The following CAMK4 variants were observed in gnomAD, a reference collection of about 807,000 sequenced individuals.
CAMK4 encodes calcium/calmodulin-dependent protein kinase type IV.
A neutral mutation model predicts 44.9 loss-of-function variants in CAMK4; 22 were observed. The observed-to-expected ratio is 0.49, with a 90% CI of 0.35 to 0.70. The LOEUF (loss-of-function observed/expected upper bound fraction) is 0.70. Ranked by LOEUF, CAMK4 falls within the 30% of genes least tolerant of loss-of-function variation. The pLI is 0.01. For missense variants in CAMK4, 498 were observed against 586.8 expected (o/e 0.85, Z 1.56); for synonymous variants, 218 against 215.4 (o/e 1.01, Z -0.11).
intron 1 of CAMK4, among the ~76,000 whole-genome samples, chr5:111,270,462 T>C (rs543117778): frequency 6.6e-6 from 1 of 152,314 alleles, no homozygotes; most frequent in Admixed American, 6.5e-5. Flanking sequence ...TTTCACCTAA[T>C]TACACAATAG....
At chr5:111,453,282 C>G (rs116165510) in intron 7 of CAMK4, among the ~76,000 whole-genome samples, 1,710 of 152,218 alleles carry the variant, frequency 0.011, 26 homozygotes, top group African/African-American at 0.04. Flanking sequence ...AGTAGATAAC[C>G]TAGAGCAGAG....
chr5:111,490,498 T>G lies in CAMK4; in HGVS notation c.*6032T>G, dbSNP rs935191058. 1 of 152,170 alleles carries G rather than the reference T, an allele frequency of 6.6e-6. No individual in the cohort carries two copies. The highest frequency in any genetic ancestry group is 1.5e-5 in the Non-Finnish European group (1 of 68,106). The allele number at this position is 152,170 out of a possible 1,614,324, so 9.4% of individuals were successfully genotyped here. A position where few individuals can be genotyped will look rare whatever the true frequency, so the allele number is the denominator to read the frequency against. On this transcript the variant is annotated 3_prime_UTR_variant, in exon 11 of 11. Transcript: ENST00000282356. ...CTGTAATCTCAGCTACTCAGGAGGC[T>G]GAGGCAGGAGAATCTCTTGAACCCG...
In CAMK4 at chr5:111,273,677, TTATATATATATA is replaced by T. The variant is rs1160351356; in HGVS notation, c.161+49064_161+49075del. 3.9e-4 allele frequency among the ~76,000 whole-genome samples: 16 copies of T among 41,126 alleles called. 1 individual carries two copies. Among genetic ancestry groups the T allele is most frequent in the Non-Finnish European group, 7.5e-4 (14 of 18,574 alleles). The allele number at this position is 41,126 out of a possible 152,430, so 27.0% of individuals were successfully genotyped here. A position where few individuals can be genotyped will look rare whatever the true frequency, so the allele number is the denominator to read the frequency against. On this transcript the variant is annotated intron_variant, in intron 1 of 10. Transcript: ENST00000282356. The stretch of plus-strand genomic sequence containing the variant: ...TATCCGTCAGCTTTAAAAAATGCAT[TTATATATATATA>T]TATATATATATATATATATATATAT...
rs574267316 is a variant in CAMK4, at chr5:111,253,415, TG to T, written c.161+28774del. Among the ~76,000 whole-genome samples the T allele has an allele frequency of 2.0e-3, 307 of 152,272 alleles. 1 individual carries two copies. The highest frequency in any genetic ancestry group is 7.2e-3 in the African/African-American group (299 of 41,560). The stretch of plus-strand genomic sequence containing the variant: ...AGACATTTCCAGTTCCGGACAGGGT[TG>T]GGCTGTTCTGCTGCAACAGATGGTC... On this transcript the variant is annotated intron_variant, in intron 1 of 10. Transcript: ENST00000282356.
At chr5:111,322,840 A>G (rs1437348666) in intron 1 of CAMK4, among the ~76,000 whole-genome samples, 2 of 152,178 alleles carry the variant, frequency 1.3e-5, no homozygotes, top group African/African-American at 2.4e-5. Flanking sequence ...TGGGAATTTT[A>G]GAATTGAAAA....
chr5:111,425,110 C>T (rs966520767), intron 5 of CAMK4, among the ~76,000 whole-genome samples: 1 of 148,456 alleles, frequency 6.7e-6, no homozygotes, highest in African/African-American at 2.5e-5. Context: ...TTTCGGTGAG[C>T]TGAGATCACT....
chr5:111,455,205 C>T (rs1012511546), intron 7 of CAMK4, among the ~76,000 whole-genome samples: 13 of 152,076 alleles, frequency 8.5e-5, no homozygotes, highest in African/African-American at 1.7e-4. Context: ...TGAGTTCCTA[C>T]GATATGCAGA....
intron 4 of CAMK4, among the ~76,000 whole-genome samples, chr5:111,378,662 G>A (rs951132866): frequency 1.3e-5 from 2 of 152,196 alleles, no homozygotes; most frequent in East Asian, 3.9e-4. Flanking sequence ...CACATTTTAA[G>A]AATAATAAGT....
At chr5:111,419,826 A>T (rs372505293) in intron 5 of CAMK4, among the ~76,000 whole-genome samples, 19 of 152,304 alleles carry the variant, frequency 1.2e-4, no homozygotes, top group African/African-American at 4.3e-4. Context: ...TACCAGTACC[A>T]TGCTGTTTTG....
intron 1 of CAMK4, among the ~76,000 whole-genome samples, chr5:111,229,546 A>AT (rs1263143702): frequency 1.3e-5 from 2 of 152,154 alleles, no homozygotes; most frequent in Non-Finnish European, 2.9e-5. Context: ...GAAGAAACAG[A>AT]TTCTCCTTTT....
intron 2 of CAMK4, among the ~76,000 whole-genome samples, chr5:111,348,174 T>C (rs558600131): frequency 6.6e-6 from 1 of 152,180 alleles, no homozygotes; most frequent in Admixed American, 6.6e-5. Context: ...TCTTCTCTCA[T>C]AGCTTAATAA....
In CAMK4 at chr5:111,482,738, G is replaced by T; in HGVS notation, c.829-47G>T. 4.7e-6 allele frequency: 7 copies of T among 1,493,082 alleles called. No homozygotes were observed. Among genetic ancestry groups the T allele is most frequent in the South Asian group, 1.2e-5 (1 of 80,890 alleles). The allele number at this position is 1,493,082 out of a possible 1,614,324, so 92.5% of individuals were successfully genotyped here. On this transcript the variant is annotated intron_variant, in intron 9 of 10. Transcript: ENST00000282356. The surrounding 1 kb of genome is among the most constrained non-coding windows in gnomAD (Gnocchi z 4.9). ...AGTTTGTAAGCTGAGGGCAAGCCCA[G>T]GTCATCCTAAAAACCTCGCTAAGTT...
rs1457586725 is a variant in CAMK4, at chr5:111,344,016, C to G, written c.162-8C>G. 9 of 1,559,602 alleles carry G rather than the reference C, an allele frequency of 5.8e-6. No individual in the cohort carries two copies. The Admixed American group carries it at 1.6e-4, about 27-fold the overall frequency. ...TAACATTTTCTTTTTGTCTTTTTCC[C>G]CCTCAAGGGGTGCTACATCCATTGT... On this transcript the variant is annotated splice_region_variant and splice_polypyrimidine_tract_variant and intron_variant, in intron 1 of 10. Transcript: ENST00000282356.
chr5:111,387,115 AC>A (rs1383744508), intron 4 of CAMK4, among the ~76,000 whole-genome samples: 1 of 152,228 alleles, frequency 6.6e-6, no homozygotes, highest in African/African-American at 2.4e-5. Flanking sequence ...AAATTAGTTT[AC>A]TAAATCTCAA....
intron 7 of CAMK4, among the ~76,000 whole-genome samples, chr5:111,470,449 T>G (rs1445623274): frequency 4.6e-5 from 7 of 152,184 alleles, no homozygotes; most frequent in Non-Finnish European, 1.0e-4. Context: ...ACCATACAGG[T>G]TCTTTATCTC....
chr5:111,445,204 A>T (rs1438257476), intron 5 of CAMK4, among the ~76,000 whole-genome samples: 2 of 152,218 alleles, frequency 1.3e-5, no homozygotes, highest in Non-Finnish European at 2.9e-5. Context: ...TTGAATGTCC[A>T]TTAAAAATGA....
chr5:111,370,275 T>C (rs1246310867), intron 2 of CAMK4, among the ~76,000 whole-genome samples: 1 of 152,200 alleles, frequency 6.6e-6, no homozygotes, highest in Non-Finnish European at 1.5e-5. Context: ...CTTTAGATCA[T>C]TTAACTCTCA....
At chr5:111,276,716 G>C (rs1487514007) in intron 1 of CAMK4, among the ~76,000 whole-genome samples, 1 of 152,058 alleles carries the variant, frequency 6.6e-6, no homozygotes, top group Non-Finnish European at 1.5e-5. Context: ...GGGTGGGATA[G>C]GGGTGCTTCT....
chr5:111,438,926 GA>G (rs1753735880), intron 5 of CAMK4, among the ~76,000 whole-genome samples: 1 of 152,140 alleles, frequency 6.6e-6, no homozygotes. Context: ...GCCTCGCCTT[GA>G]AAAATCAGAA....
Sources: allele counts gnomAD v4.1 joint callset (sites outside exome capture counted in the v4.1 genomes callset), GRCh38; gene constraint gnomAD v4.1.1; non-coding constraint Gnocchi (gnomAD v3.1); transcripts MANE v1.5; gene names NCBI Gene and HGNC (gene_info 2026-07-23, HGNC 2026-07-21).